The following SREK1IP1 variants were observed in gnomAD, a reference collection of about 807,000 sequenced individuals.
SREK1IP1 encodes SREK1 interacting protein 1, also known as protein SREK1IP1.
A neutral mutation model predicts 22.8 loss-of-function variants in SREK1IP1; 12 were observed. The observed-to-expected ratio is 0.53, with a 90% CI of 0.34 to 0.85. The LOEUF (loss-of-function observed/expected upper bound fraction) is 0.85, where lower values mean the gene tolerates loss of function less well. Among genes scored for constraint, SREK1IP1 ranks in the 40% least tolerant of loss-of-function variants. The probability of loss-of-function intolerance (pLI) is 0.02; values close to 1 mark genes in which losing one functional copy is unlikely to be tolerated. For synonymous variants in SREK1IP1, 53 were observed against 52.7 expected (o/e 1.01, Z -0.02); for missense variants, 147 against 171.8 (o/e 0.86, Z 0.81).
At chr5:64,741,302 C>A in intron 2 of SREK1IP1, 102 bp from the exon 3 acceptor site, 1 of 1,086,288 alleles carries the variant, frequency 9.2e-7, no homozygotes, top group Non-Finnish European at 1.3e-6. Context: ...GTTACAATTT[C>A]AATAATATAA....
intron 3 of SREK1IP1, among the ~76,000 whole-genome samples, chr5:64,729,354 A>C (rs1034039656): frequency 1.2e-4 from 18 of 152,194 alleles, no homozygotes; most frequent in African/African-American, 4.3e-4. Context: ...CAGGAAGAGG[A>C]AATTAGTGCC....
At chr5:64,762,824 G>T (rs1455007475) in intron 1 of SREK1IP1, among the ~76,000 whole-genome samples, 2 of 152,072 alleles carry the variant, frequency 1.3e-5, no homozygotes, top group African/African-American at 4.8e-5. Flanking sequence ...GGCTGAGGTG[G>T]GTGGATCACT....
chr5:64,733,641 AT>A (rs1742413153), intron 3 of SREK1IP1, among the ~76,000 whole-genome samples: 1 of 152,074 alleles, frequency 6.6e-6, no homozygotes, highest in African/African-American at 2.4e-5. Flanking sequence ...CAACCCAGCA[AT>A]TTTACTGTGG....
Position 64,719,688 on chromosome 5 carries a change from C to G in SREK1IP1, c.*4696G>C, listed in dbSNP as rs985886210. ...ACAGACAGAGCTAGCAAAATGCTCA[C>G]TGCCCCAACTCCTCCCAATTTGTGG... On this transcript the variant is annotated 3_prime_UTR_variant, in exon 5 of 5. Coordinates refer to ENST00000513458, the MANE Select transcript of SREK1IP1 (RefSeq NM_173829.4). The G allele has an allele frequency of 6.6e-6, 1 of 152,198 alleles. No homozygotes were observed. The highest frequency in any genetic ancestry group is 2.4e-5 in the African/African-American group (1 of 41,456). The allele number at this position is 152,198 out of a possible 1,614,324, so 9.4% of individuals were successfully genotyped here.
intron 2 of SREK1IP1, among the ~76,000 whole-genome samples, chr5:64,742,219 G>A (rs79469491): frequency 0.064 from 9,787 of 151,898 alleles, 1,041 homozygotes; most frequent in African/African-American, 0.23. Context: ...TTTATTTGCT[G>A]TACTATTGAT....
At chr5:64,725,287 GAAAA>G (rs1244333542) in intron 4 of SREK1IP1, among the ~76,000 whole-genome samples, 1 of 151,638 alleles carries the variant, frequency 6.6e-6, no homozygotes, top group Non-Finnish European at 1.5e-5. Flanking sequence ...AAAAGGAAAA[GAAAA>G]AGAAAAAAAC....
chr5:64,744,896 T>C (rs769525030), intron 2 of SREK1IP1, among the ~76,000 whole-genome samples: 12 of 152,218 alleles, frequency 7.9e-5, no homozygotes, highest in Non-Finnish European at 1.5e-4. Context: ...CTAATTATCT[T>C]ATGGGAACTC....
chr5:64,763,422 A>G (rs1742985237), intron 1 of SREK1IP1, among the ~76,000 whole-genome samples: 1 of 152,036 alleles, frequency 6.6e-6, no homozygotes, highest in Non-Finnish European at 1.5e-5. Flanking sequence ...CTGTAGTCCC[A>G]GTTACTTGGG....
At chr5:64,749,603 GTTTT>G (rs34642046) in intron 2 of SREK1IP1, among the ~76,000 whole-genome samples, 2 of 151,818 alleles carry the variant, frequency 1.3e-5, no homozygotes, top group African/African-American at 4.8e-5. Flanking sequence ...TGCCTGGCTA[GTTTT>G]TTTGTTTGTT....
chr5:64,765,981 G>A (rs188062585), intron 1 of SREK1IP1, among the ~76,000 whole-genome samples: 2 of 152,286 alleles, frequency 1.3e-5, no homozygotes, highest in Admixed American at 6.5e-5. Flanking sequence ...GAGCTGACTC[G>A]GCCTATCAGG....
In SREK1IP1 at chr5:64,720,444, G is replaced by A. The variant is rs1266375546; in HGVS notation, c.*3940C>T. ...AAAGCAATTTCATCTTTTAAAAATG[G>A]TGGGATTAATCGGATTATGAAATTG... On this transcript the variant is annotated 3_prime_UTR_variant, in exon 5 of 5. Transcript: ENST00000513458. 8 of 151,940 alleles carry A rather than the reference G, an allele frequency of 5.3e-5. No individual in the cohort carries two copies. Among genetic ancestry groups the A allele is most frequent in the Non-Finnish European group, 8.8e-5 (6 of 67,998 alleles). The allele number at this position is 151,940 out of a possible 1,614,324, so 9.4% of individuals were successfully genotyped here.
rs551227547 is a variant in SREK1IP1, at chr5:64,719,185, A to G, written c.*5199T>C. 1 of 152,346 alleles carries G rather than the reference A, an allele frequency of 6.6e-6. No homozygotes were observed. Among genetic ancestry groups the G allele is most frequent in the East Asian group, 1.9e-4 (1 of 5,186 alleles). 9.4% of individuals were successfully genotyped at this position (152,346 alleles called of 1,614,324 possible). ...CTACTGAACACTTAAGATGTGGCTA[A>G]TGCAACTGAAAAAATAAAATTTTTC... On this transcript the variant is annotated 3_prime_UTR_variant, in exon 5 of 5. Transcript: ENST00000513458.
In SREK1IP1 at chr5:64,724,380, TCA is replaced by T. The variant is rs1465533775; in HGVS notation, c.*2_*3del. 2.0e-6 allele frequency: 3 copies of T among 1,526,986 alleles called. No individual in the cohort carries two copies. The highest frequency in any genetic ancestry group is 4.6e-5 in the Admixed American group (2 of 43,720). 94.6% of individuals were successfully genotyped at this position (1,526,986 alleles called of 1,614,324 possible). A position where few individuals can be genotyped will look rare whatever the true frequency, so the allele number is the denominator to read the frequency against. The stretch of plus-strand genomic sequence containing the variant: ...AAATTTAACGGCTTAAGCCAAAGTC[TCA>T]GTTACTTTCTGGAGAATTCAGAACT... On this transcript the variant is annotated 3_prime_UTR_variant, in exon 5 of 5. Transcript: ENST00000513458.
intron 2 of SREK1IP1, among the ~76,000 whole-genome samples, chr5:64,743,063 T>G (rs1742577400): frequency 6.6e-6 from 1 of 152,208 alleles, no homozygotes; most frequent in Non-Finnish European, 1.5e-5. Flanking sequence ...TTCTTTGGTA[T>G]TTGATGAGAC....
At chr5:64,764,252 G>T (rs1742999018) in intron 1 of SREK1IP1, among the ~76,000 whole-genome samples, 1 of 152,164 alleles carries the variant, frequency 6.6e-6, no homozygotes, top group East Asian at 1.9e-4. Flanking sequence ...CACTATACTA[G>T]TTTATCTATG....
At chr5:64,735,828 T>C (rs951371038) in intron 3 of SREK1IP1, among the ~76,000 whole-genome samples, 1 of 152,122 alleles carries the variant, frequency 6.6e-6, no homozygotes, top group African/African-American at 2.4e-5. Context: ...TTGGTTTTAT[T>C]GATTTTCTAT....
intron 2 of SREK1IP1, among the ~76,000 whole-genome samples, chr5:64,747,434 G>GT (rs987470560): frequency 1.1e-3 from 163 of 152,242 alleles, no homozygotes; most frequent in African/African-American, 3.9e-3. Context: ...CCTATCACCC[G>GT]TATCACTCAG....
At chr5:64,733,750 ATACT>A (rs1231705060) in intron 3 of SREK1IP1, among the ~76,000 whole-genome samples, 2 of 152,278 alleles carry the variant, frequency 1.3e-5, no homozygotes, top group East Asian at 3.9e-4. Flanking sequence ...CAGTGGATAA[ATACT>A]TAATACTTAA....
chr5:64,738,773 C>T (rs1388110943), intron 3 of SREK1IP1, among the ~76,000 whole-genome samples: 1 of 152,148 alleles, frequency 6.6e-6, no homozygotes, highest in Non-Finnish European at 1.5e-5. Context: ...TGTATATCCA[C>T]ATACAAAAGA....
Sources: allele counts gnomAD v4.1 joint callset (sites outside exome capture counted in the v4.1 genomes callset), GRCh38; gene constraint gnomAD v4.1.1; transcripts MANE v1.5; gene names NCBI Gene and HGNC (gene_info 2026-07-23, HGNC 2026-07-21).